The following TENM1 variants were observed in gnomAD, a reference collection of about 807,000 sequenced individuals.
TENM1 encodes the protein teneurin transmembrane protein 1.
Under a neutral mutation model 174.8 loss-of-function variants are expected in TENM1, and 35 were observed. That is an observed-to-expected ratio of 0.20 (90% CI 0.15 to 0.27). The LOEUF is 0.27. Ranked by LOEUF, TENM1 falls within the 10% of genes least tolerant of loss-of-function variation. TENM1 has a pLI of 1.00. For synonymous variants in TENM1, 781 were observed against 798.7 expected (o/e 0.98, Z 0.37); for missense variants, 1,633 against 2,130.1 (o/e 0.77, Z 4.59).
At chrX:125,188,410 G>A in the TENM1 span, among the ~76,000 whole-genome samples, 1,658 of 110,855 alleles carry the variant, frequency 0.015, 34 homozygotes, top group African/African-American at 0.052. Context: ...AAGGCAGTGT[G>A]TAAATTAAAG....
intron 4 of TENM1, among the ~76,000 whole-genome samples, chrX:124,710,646 C>G (rs2053025394): frequency 1.8e-5 from 2 of 112,046 alleles, no homozygotes; most frequent in Admixed American, 1.9e-4. Context: ...TCAACAGTTG[C>G]AGCAGAACAA....
chrX:124,974,348 A>G, the TENM1 span, among the ~76,000 whole-genome samples: 1 of 111,827 alleles, frequency 8.9e-6, no homozygotes, highest in South Asian at 3.8e-4. Context: ...TAACAATGGC[A>G]TTAGTTTACA....
intron 1 of TENM1, among the ~76,000 whole-genome samples, chrX:124,921,304 A>G (rs1053304413): frequency 1.8e-5 from 2 of 111,057 alleles, no homozygotes; most frequent in Non-Finnish European, 3.8e-5. Flanking sequence ...AAGGCAACTG[A>G]TACTCATTGT....
chrX:124,725,754 C>T (rs1471641375), intron 4 of TENM1, among the ~76,000 whole-genome samples: 3 of 112,488 alleles, frequency 2.7e-5, no homozygotes, highest in Non-Finnish European at 5.6e-5. Flanking sequence ...CATACACACA[C>T]ACACGTGCAG....
intron 15 of TENM1, among the ~76,000 whole-genome samples, chrX:124,534,690 G>GT (rs1217319714): frequency 3.6e-5 from 4 of 110,891 alleles, no homozygotes; most frequent in African/African-American, 1.3e-4. Flanking sequence ...AGGTTAGGTT[G>GT]TTTTTTTTCC....
At chrX:124,751,538 T>C (rs888822780) in intron 3 of TENM1, among the ~76,000 whole-genome samples, 4 of 110,005 alleles carry the variant, frequency 3.6e-5, no homozygotes, top group African/African-American at 1.3e-4. Flanking sequence ...ATGTGCACAA[T>C]GTGCAGGTTA....
At chrX:124,454,393 GTATAT>G (rs1178317977) in intron 22 of TENM1, among the ~76,000 whole-genome samples, 1 of 15,592 alleles carries the variant, frequency 6.4e-5, no homozygotes. Flanking sequence ...CTATATCTAG[GTATAT>G]CTAGGTGTTT....
At chrX:124,675,193 G>C (rs2052037002) in intron 5 of TENM1, among the ~76,000 whole-genome samples, 1 of 111,584 alleles carries the variant, frequency 9.0e-6, no homozygotes, top group South Asian at 3.7e-4. Context: ...ATATATGTTT[G>C]TGTGAATATA....
At chrX:124,798,596 T>G (rs953126607) in intron 3 of TENM1, among the ~76,000 whole-genome samples, 2 of 111,812 alleles carry the variant, frequency 1.8e-5, no homozygotes, top group African/African-American at 6.5e-5. Flanking sequence ...TAACCCTTTG[T>G]CAGATGGGTA....
chrX:124,503,725 C>A, intron 18 of TENM1, 22 bp from the exon 22 acceptor site: 1 of 1,166,654 alleles, frequency 8.6e-7, no homozygotes, highest in Non-Finnish European at 1.1e-6. Flanking sequence ...GAGTTAACAG[C>A]ACATTAGAAA....
At chrX:124,724,412 G>A (rs1181222108) in intron 4 of TENM1, among the ~76,000 whole-genome samples, 2 of 111,660 alleles carry the variant, frequency 1.8e-5, no homozygotes, top group African/African-American at 6.6e-5. Flanking sequence ...AAACATATTG[G>A]CAGAGTGTTA....
the TENM1 span, among the ~76,000 whole-genome samples, chrX:125,025,752 G>A: frequency 9.0e-6 from 1 of 111,528 alleles, no homozygotes; most frequent in African/African-American, 3.3e-5. Context: ...TGAGCACTAA[G>A]AAATCAACAC....
chrX:124,497,802 T>C (rs1009713311), intron 19 of TENM1, among the ~76,000 whole-genome samples: 1 of 112,076 alleles, frequency 8.9e-6, no homozygotes, highest in Non-Finnish European at 1.9e-5. Context: ...CAAAGAAATA[T>C]GAAAGAAACT....
chrX:124,600,189 T>A (rs1402914481), intron 11 of TENM1, among the ~76,000 whole-genome samples: 1 of 110,023 alleles, frequency 9.1e-6, no homozygotes, highest in African/African-American at 3.3e-5. Flanking sequence ...GAAATTAGCC[T>A]CCTTAGAGAA....
At chrX:124,944,808 C>T (rs1045233073) in intron 1 of TENM1, among the ~76,000 whole-genome samples, 1 of 109,112 alleles carries the variant, frequency 9.2e-6, no homozygotes, top group Non-Finnish European at 1.9e-5. Flanking sequence ...ACGTATAGTA[C>T]AGTAAATATG....
At chrX:125,132,248 T>A in the TENM1 span, among the ~76,000 whole-genome samples, 13 of 111,578 alleles carry the variant, frequency 1.2e-4, no homozygotes, top group Non-Finnish European at 2.1e-4. Flanking sequence ...CACAATCTAG[T>A]AACCTCAGGG....
chrX:124,735,787 G>A (rs2053657156), intron 4 of TENM1, among the ~76,000 whole-genome samples: 2 of 111,480 alleles, frequency 1.8e-5, no homozygotes, highest in Admixed American at 9.5e-5. Context: ...GCAGCAACAT[G>A]GATAGAGCTG....
intron 11 of TENM1, among the ~76,000 whole-genome samples, chrX:124,568,378 T>C (rs1413160917): frequency 9.0e-6 from 1 of 111,582 alleles, no homozygotes; most frequent in African/African-American, 3.3e-5. Context: ...TAATAAACTG[T>C]ACCCACTAGC....
chrX:125,044,564 T>C, the TENM1 span, among the ~76,000 whole-genome samples: 1 of 111,031 alleles, frequency 9.0e-6, no homozygotes. Context: ...CACTCCAGTC[T>C]GGGCGACAGA....
Sources: allele counts gnomAD v4.1 joint callset (sites outside exome capture counted in the v4.1 genomes callset), GRCh38; gene constraint gnomAD v4.1.1; transcripts MANE v1.5; gene names NCBI Gene and HGNC (gene_info 2026-07-23, HGNC 2026-07-21).